LRRC7: variants seen among roughly 807,000 people sequenced by gnomAD.
LRRC7 encodes the protein leucine rich repeat containing 7, also known as leucine-rich repeat-containing protein 7.
Under a neutral mutation model 175.7 loss-of-function variants are expected in LRRC7, and 23 were observed. The observed-to-expected ratio is 0.13, with a 90% CI of 0.09 to 0.19. LRRC7 has a LOEUF of 0.19. LRRC7 is among the 10% of genes least tolerant of loss of function. LRRC7 has a pLI of 1.00. For missense variants in LRRC7, 1,354 were observed against 1,904.7 expected, an observed-to-expected ratio of 0.71 and a Z score of 5.38; for synonymous variants, 685 against 680.9, an observed-to-expected ratio of 1.01 and a Z score of -0.09.
intron 3 of LRRC7, among the ~76,000 whole-genome samples, chr1:69,763,589 G>A (rs1054985391): frequency 6.6e-6 from 1 of 151,948 alleles, no homozygotes; most frequent in African/African-American, 2.4e-5. Flanking sequence ...CAGTACAAGG[G>A]GAAGGGGTGG....
At chr1:69,639,106 G>A (rs1653818286) in intron 1 of LRRC7, among the ~76,000 whole-genome samples, 1 of 151,798 alleles carries the variant, frequency 6.6e-6, no homozygotes, top group Middle Eastern at 3.4e-3. Flanking sequence ...GGTCCAAACA[G>A]GATTCTGGAT....
At chr1:69,834,742 A>G (rs1219385364) in intron 5 of LRRC7, 38 bp from the exon 6 acceptor site, 8 of 1,445,454 alleles carry the variant, frequency 5.5e-6, no homozygotes, top group Non-Finnish European at 7.8e-6. Context: ...TTCTATAGCA[A>G]CATCAATGCA....
chr1:69,688,373 G>A lies in LRRC7; in HGVS notation c.100+9895G>A, dbSNP rs535911296. 1.3e-5 allele frequency among the ~76,000 whole-genome samples: 2 copies of A among 152,238 alleles called. 1 individual carries two copies. The highest frequency in any genetic ancestry group is 4.2e-4 in the South Asian group (2 of 4,816). On this transcript the variant is annotated intron_variant, in intron 2 of 26. Coordinates refer to ENST00000651989, the MANE Select transcript of LRRC7 (RefSeq NM_001370785.2). ...AGCCATGTCCCAGTGACCCAACTGT[G>A]ATGTTGATGACCTGGTGCTACTGTG...
In LRRC7 at chr1:70,131,212, G is replaced by A. The variant is rs189186592; in HGVS notation, c.*9325G>A. 4.4e-4 allele frequency among the ~76,000 whole-genome samples: 67 copies of A among 152,286 alleles called. No homozygotes were observed. The highest frequency in any genetic ancestry group is 1.4e-3 in the African/African-American group (59 of 41,560). On this transcript the variant is annotated 3_prime_UTR_variant, in exon 27 of 27. Coordinates refer to ENST00000651989, the MANE Select transcript of LRRC7 (RefSeq NM_001370785.2). ...CTGTTGATCTCAAAGTAGAAAGAAAGCATGCTATTTATACTGCCATGATCT... is the reference window on the plus strand; with the variant it reads ...CTGTTGATCTCAAAGTAGAAAGAAAACATGCTATTTATACTGCCATGATCT...
At chr1:69,817,952 T>C (rs1433434623) in intron 4 of LRRC7, among the ~76,000 whole-genome samples, 1 of 152,154 alleles carries the variant, frequency 6.6e-6, no homozygotes, top group South Asian at 2.1e-4. Context: ...AAATTGACTT[T>C]TAAATGTTGA....
At chr1:69,714,175 ACTT>A (rs1304209521) in intron 2 of LRRC7, among the ~76,000 whole-genome samples, 1 of 152,152 alleles carries the variant, frequency 6.6e-6, no homozygotes, top group Non-Finnish European at 1.5e-5. Flanking sequence ...CCCCTGAGTT[ACTT>A]CTTCTACACC....
chr1:69,892,378 G>A (rs1436526711), intron 7 of LRRC7, among the ~76,000 whole-genome samples: 3 of 152,130 alleles, frequency 2.0e-5, no homozygotes, highest in Non-Finnish European at 4.4e-5. Context: ...TGAGTAGCAA[G>A]GACACAGTTG....
intron 1 of LRRC7, among the ~76,000 whole-genome samples, chr1:69,624,212 A>G (rs1773344): frequency 0.13 from 19,719 of 152,192 alleles, 1,635 homozygotes; most frequent in South Asian, 0.19. Context: ...TTTTAATTGT[A>G]GACATTCTGG....
chr1:70,011,733 G>T, intron 11 of LRRC7, 64 bp from the exon 12 acceptor site: 1 of 1,170,016 alleles, frequency 8.5e-7, no homozygotes, highest in Non-Finnish European at 1.2e-6. Context: ...TGGATATGTG[G>T]CTTTTTCAAA....
intron 25 of LRRC7, among the ~76,000 whole-genome samples, chr1:70,093,070 T>TTACA (rs1287038705): frequency 1.3e-5 from 2 of 152,134 alleles, no homozygotes; most frequent in Non-Finnish European, 2.9e-5. Context: ...GAAACTGCTT[T>TTACA]TACATACTTG....
intron 8 of LRRC7, among the ~76,000 whole-genome samples, chr1:69,943,024 A>G (rs1026509798): frequency 6.6e-6 from 1 of 152,100 alleles, no homozygotes; most frequent in Admixed American, 6.6e-5. Flanking sequence ...GTATATTTTT[A>G]TATGTGGCCC....
intron 2 of LRRC7, among the ~76,000 whole-genome samples, chr1:69,751,937 T>A (rs1477424161): frequency 1.3e-5 from 2 of 152,116 alleles, no homozygotes; most frequent in Admixed American, 1.3e-4. Context: ...CCAAGAACAG[T>A]CCATTGATCT....
At chr1:69,771,140 CT>C (rs1672196362) in intron 3 of LRRC7, among the ~76,000 whole-genome samples, 2 of 152,174 alleles carry the variant, frequency 1.3e-5, no homozygotes, top group South Asian at 2.1e-4. Context: ...CCTAAAGCAT[CT>C]TTTTTTCCAT....
intron 1 of LRRC7, among the ~76,000 whole-genome samples, chr1:69,590,303 AATAATGTCT>A (rs1442245802): frequency 8.5e-5 from 13 of 152,296 alleles, no homozygotes; most frequent in African/African-American, 2.9e-4. Flanking sequence ...AACTGGGGCT[AATAATGTCT>A]ATATCATCAA....
intron 7 of LRRC7, among the ~76,000 whole-genome samples, chr1:69,891,690 A>T (rs1025817520): frequency 6.6e-6 from 1 of 152,122 alleles, no homozygotes; most frequent in African/African-American, 2.4e-5. Context: ...CGAGATCATG[A>T]CACTGAACTC....
At chr1:69,891,403 C>T (rs1233251768) in intron 7 of LRRC7, among the ~76,000 whole-genome samples, 1 of 152,144 alleles carries the variant, frequency 6.6e-6, no homozygotes, top group African/African-American at 2.4e-5. Flanking sequence ...GTTCATGGCT[C>T]CCCAAAACAA....
rs575894407 is a variant in LRRC7, at chr1:69,793,974, T to C, written c.421+1814T>C. Among the ~76,000 whole-genome samples, 8 of 151,046 alleles carry C rather than the reference T, an allele frequency of 5.3e-5. No homozygotes were observed. In the East Asian group the frequency reaches 9.6e-4, roughly 18 times the overall value. On this transcript the variant is annotated intron_variant, in intron 4 of 26. Transcript: ENST00000651989. ...GGATAAGACTGACACTCTCAAATAATCAGTGAAAATTATAAAATACTATAC... is the reference window on the plus strand; with the variant it reads ...GGATAAGACTGACACTCTCAAATAACCAGTGAAAATTATAAAATACTATAC...
intron 1 of LRRC7, among the ~76,000 whole-genome samples, chr1:69,638,359 G>A (rs800921): frequency 0.017 from 2,637 of 151,862 alleles, 73 homozygotes; most frequent in African/African-American, 0.06. Flanking sequence ...GATACGTCAT[G>A]ATCAAGTGTA....
intron 2 of LRRC7, among the ~76,000 whole-genome samples, chr1:69,717,835 AAAGAAAAAAG>A (rs1665669633): frequency 1.6e-5 from 1 of 63,270 alleles, no homozygotes; most frequent in Non-Finnish European, 3.0e-5. Flanking sequence ...AGAAAGAAAG[AAAGAAAAAAG>A]AAAGAAAGGA....
Sources: allele counts gnomAD v4.1 joint callset (sites outside exome capture counted in the v4.1 genomes callset), GRCh38; gene constraint gnomAD v4.1.1; transcripts MANE v1.5; gene names NCBI Gene and HGNC (gene_info 2026-07-23, HGNC 2026-07-21).